The following ANO3 variants were observed in gnomAD, a reference collection of about 807,000 sequenced individuals.
ANO3 encodes the protein anoctamin 3.
ANO3 carries 99 observed loss-of-function variants against 144.8 expected under a neutral mutation model. The observed-to-expected ratio is 0.68, with a 90% CI of 0.58 to 0.81. The LOEUF is 0.81. ANO3 is among the 30% of genes least tolerant of loss of function. The pLI, the probability that ANO3 is intolerant of heterozygous loss-of-function variation, is 0.00. For synonymous variants in ANO3, 414 were observed against 392.6 expected, an observed-to-expected ratio of 1.05 and a Z score of -0.64; for missense variants, 905 against 1,202.2, an observed-to-expected ratio of 0.75 and a Z score of 3.66.
At chr11:26,636,057 G>A (rs138000852) in intron 20 of ANO3, among the ~76,000 whole-genome samples, 81 of 152,106 alleles carry the variant, frequency 5.3e-4, no homozygotes, top group African/African-American at 1.7e-3. Flanking sequence ...AAAATTAGCC[G>A]GGTGTGGTGG....
At chr11:26,268,064 A>G (rs1853354730) in intron 1 of ANO3, among the ~76,000 whole-genome samples, 1 of 152,214 alleles carries the variant, frequency 6.6e-6, no homozygotes, top group African/African-American at 2.4e-5. Context: ...TATACTGGTC[A>G]GGAAAGAACT....
rs563932393 is a variant in ANO3, at chr11:26,417,230, A to G, written c.47-24688A>G. Among the ~76,000 whole-genome samples the G allele has an allele frequency of 2.7e-4, 41 of 152,260 alleles. No homozygotes were observed. In the South Asian group the frequency reaches 4.6e-3, roughly 17 times the overall value. On this transcript the variant is annotated intron_variant, in intron 1 of 26. Transcript: ENST00000256737. Reference sequence around the variant, plus strand: ...AAATGGTACTACATCTATAACCTCTATAAGTGTGTTTTCAGTAACATTATT... The same window carrying G: ...AAATGGTACTACATCTATAACCTCTGTAAGTGTGTTTTCAGTAACATTATT...
chr11:26,480,147 C>T (rs1305220571), intron 4 of ANO3, among the ~76,000 whole-genome samples: 1 of 152,186 alleles, frequency 6.6e-6, no homozygotes, highest in Non-Finnish European at 1.5e-5. Context: ...CAGTCTCATG[C>T]AGAAACTTCT....
intron 4 of ANO3, among the ~76,000 whole-genome samples, chr11:26,472,764 G>A (rs574974330): frequency 6.6e-6 from 1 of 151,882 alleles, no homozygotes; most frequent in South Asian, 2.1e-4. Context: ...GCGGCTTATA[G>A]CCCTTCATCT....
intron 14 of ANO3, among the ~76,000 whole-genome samples, chr11:26,593,297 GTCTC>G (rs958624305): frequency 3.6e-4 from 55 of 152,124 alleles, no homozygotes; most frequent in Non-Finnish European, 1.5e-4. Flanking sequence ...TTGCTAGGAT[GTCTC>G]TCTCTAACAA....
chr11:26,460,455 A>AGAAG (rs1355892344), intron 3 of ANO3, among the ~76,000 whole-genome samples: 1 of 150,166 alleles, frequency 6.7e-6, no homozygotes, highest in African/African-American at 2.5e-5. Flanking sequence ...AAAGAAGGAA[A>AGAAG]GAAGGAAGGA....
intron 1 of ANO3, among the ~76,000 whole-genome samples, chr11:26,402,652 A>G (rs1437331501): frequency 6.6e-6 from 1 of 151,894 alleles, no homozygotes; most frequent in Non-Finnish European, 1.5e-5. Flanking sequence ...AGTAGGATCT[A>G]AATGATCAGA....
At chr11:26,327,722 T>C (rs900359626), upstream of ANO3, among the ~76,000 whole-genome samples, 4 of 152,234 alleles carry the variant, frequency 2.6e-5, no homozygotes, top group Non-Finnish European at 4.4e-5. Flanking sequence ...ATGATTGATA[T>C]ACAAAGAACT....
In ANO3 at chr11:26,564,726, CACACACATATATATATATATATATAT is replaced by C. The variant is rs1448255013; in HGVS notation, c.1447+4949_1447+4974del. 9.8e-3 allele frequency among the ~76,000 whole-genome samples: 481 copies of C among 49,208 alleles called. 2 individuals are homozygous for C. The highest frequency in any genetic ancestry group is 0.03 in the African/African-American group (395 of 13,292). 32.3% of individuals were successfully genotyped at this position (49,208 alleles called of 152,430 possible). On this transcript the variant is annotated intron_variant, in intron 14 of 26. Transcript: ENST00000256737. ...ACACACACACACACACACACACACA[CACACACATATATATATATATATATAT>C]ATATATATATATATATATATATATA...
intron 1 of ANO3, among the ~76,000 whole-genome samples, chr11:26,289,820 T>C (rs561686490): frequency 1.3e-5 from 2 of 150,890 alleles, no homozygotes; most frequent in South Asian, 2.1e-4. Flanking sequence ...ATATGTATAA[T>C]GCCAGTATTT....
chr11:26,260,843 C>A (rs1403915954), intron 1 of ANO3, among the ~76,000 whole-genome samples: 1 of 151,938 alleles, frequency 6.6e-6, no homozygotes, highest in East Asian at 1.9e-4. Flanking sequence ...TTTTGTTAAG[C>A]CTGAAGGTTC....
chr11:26,450,851 T>C (rs1858904217), intron 3 of ANO3, among the ~76,000 whole-genome samples: 1 of 152,122 alleles, frequency 6.6e-6, no homozygotes, highest in African/African-American at 2.4e-5. Context: ...CAAAATAAAA[T>C]GACATTATAG....
chr11:26,283,344 A>ATATG (rs1853725852), intron 1 of ANO3, among the ~76,000 whole-genome samples: 1 of 88,516 alleles, frequency 1.1e-5, no homozygotes, highest in Non-Finnish European at 2.4e-5. Context: ...ATATATATAT[A>ATATG]TATATATATA....
intron 1 of ANO3, among the ~76,000 whole-genome samples, chr11:26,417,168 T>G (rs1857614193): frequency 6.6e-6 from 1 of 152,118 alleles, no homozygotes; most frequent in Non-Finnish European, 1.5e-5. Context: ...CTAAAGAAAT[T>G]ACAGCAAAAG....
At chr11:26,243,269 TTCTC>T (rs1852700729) in intron 1 of ANO3, among the ~76,000 whole-genome samples, 1 of 152,090 alleles carries the variant, frequency 6.6e-6, no homozygotes, top group African/African-American at 2.4e-5. Flanking sequence ...TCAATTATCT[TTCTC>T]TCTCTCTCAC....
At chr11:26,643,120 A>G in intron 22 of ANO3, 62 bp from the exon 23 acceptor site, 1 of 1,518,786 alleles carries the variant, frequency 6.6e-7, no homozygotes, top group Non-Finnish European at 9.0e-7. Flanking sequence ...AATTTATATA[A>G]AGCACCAAAT....
chr11:26,649,325 C>G (rs897982117), intron 24 of ANO3, among the ~76,000 whole-genome samples: 9 of 152,096 alleles, frequency 5.9e-5, no homozygotes, highest in Admixed American at 5.2e-4. Flanking sequence ...TATTTCTGCC[C>G]TTAACAATAT....
chr11:26,299,328 CACTTT>C (rs979296687), intron 1 of ANO3, among the ~76,000 whole-genome samples: 43 of 152,266 alleles, frequency 2.8e-4, no homozygotes, highest in Admixed American at 3.9e-4. Flanking sequence ...GTTAAGAATT[CACTTT>C]GGTGAAGAAG....
At chr11:26,565,549 A>G in intron 14 of ANO3, 2 of 1,613,312 alleles carry the variant, frequency 1.2e-6, no homozygotes, top group South Asian at 1.1e-5. Flanking sequence ...GAAATGGTAG[A>G]TGTGGGTTTT....
Sources: allele counts gnomAD v4.1 joint callset (sites outside exome capture counted in the v4.1 genomes callset), GRCh38; gene constraint gnomAD v4.1.1; transcripts MANE v1.5; gene names NCBI Gene and HGNC (gene_info 2026-07-23, HGNC 2026-07-21).